The following PPM1E variants were observed in gnomAD, a reference collection of about 807,000 sequenced individuals.
PPM1E encodes protein phosphatase 1E.
Under a neutral mutation model 65.9 loss-of-function variants are expected in PPM1E, and 20 were observed. The observed-to-expected ratio is 0.30, with a 90% confidence interval of 0.21 to 0.44. The LOEUF (loss-of-function observed/expected upper bound fraction) is 0.44. Ranked by LOEUF, PPM1E falls within the 20% of genes least tolerant of loss-of-function variation. The pLI is 1.00. For missense variants in PPM1E, 713 were observed against 953.1 expected, an observed-to-expected ratio of 0.75 and a Z score of 3.32; for synonymous variants, 352 against 374.9, an observed-to-expected ratio of 0.94 and a Z score of 0.70.
intron 1 of PPM1E, among the ~76,000 whole-genome samples, chr17:58,892,759 C>A (rs1284750802): frequency 6.6e-6 from 1 of 152,076 alleles, no homozygotes; most frequent in African/African-American, 2.4e-5. Context: ...AAATGGACAA[C>A]CCAATTTAAA....
Position 58,982,750 on chromosome 17 carries a change from C to T in PPM1E, c.*1719C>T, listed in dbSNP as rs778545325. On this transcript the variant is annotated 3_prime_UTR_variant, in exon 7 of 7. Transcript: ENST00000308249. ...ATTTTGAAGTCATTTCTTCTTCTCA[C>T]GTCTGTGACAAATGGTTGAAAAGGA... 2.8e-5 allele frequency: 16 copies of T among 561,654 alleles called. No individual in the cohort carries two copies. Among genetic ancestry groups the T allele is most frequent in the South Asian group, 2.1e-4 (7 of 33,690 alleles). 34.8% of individuals were successfully genotyped at this position (561,654 alleles called of 1,614,324 possible).
chr17:58,833,356 C>G (rs1371368225), intron 1 of PPM1E, among the ~76,000 whole-genome samples: 1 of 148,084 alleles, frequency 6.8e-6, no homozygotes, highest in Non-Finnish European at 1.5e-5. Flanking sequence ...CTTTTGAAAC[C>G]CAGTAGTTTT....
chr17:58,778,524 C>T (rs1329051610), intron 1 of PPM1E, among the ~76,000 whole-genome samples: 1 of 150,780 alleles, frequency 6.6e-6, no homozygotes, highest in Non-Finnish European at 1.5e-5. Flanking sequence ...GTTCTCGTGC[C>T]TCAGCCTCCC....
Position 58,982,804 on chromosome 17 carries a change from A to G in PPM1E, c.*1773A>G. On this transcript the variant is annotated 3_prime_UTR_variant, in exon 7 of 7. Coordinates refer to ENST00000308249, the MANE Select transcript of PPM1E (RefSeq NM_014906.5). ...AACATGGCCCCAACTATAGTGCCGG[A>G]ACCTTTTCATCATTCTGAGGCTTTG... 2 of 1,057,798 alleles carry G rather than the reference A, an allele frequency of 1.9e-6. No individual in the cohort carries two copies. The highest frequency in any genetic ancestry group is 2.8e-6 in the Non-Finnish European group (2 of 716,772). The allele number at this position is 1,057,798 out of a possible 1,614,324, so 65.5% of individuals were successfully genotyped here. A position where few individuals can be genotyped will look rare whatever the true frequency, so the allele number is the denominator to read the frequency against.
At chr17:58,867,433 A>G (rs1030353913) in intron 1 of PPM1E, among the ~76,000 whole-genome samples, 7 of 152,230 alleles carry the variant, frequency 4.6e-5, no homozygotes, top group Admixed American at 1.3e-4. Flanking sequence ...AGAGTGTTAC[A>G]GGGGCTTGTA....
chr17:58,776,472 G>A (rs35539277), intron 1 of PPM1E, among the ~76,000 whole-genome samples: 24,546 of 152,092 alleles, frequency 0.16, 2,404 homozygotes, highest in Non-Finnish European at 0.21. Context: ...TATAAAATAT[G>A]TTTAGTAATG....
chr17:58,837,019 CAA>C (rs761954197), intron 1 of PPM1E, among the ~76,000 whole-genome samples: 2 of 39,070 alleles, frequency 5.1e-5, no homozygotes, highest in Non-Finnish European at 5.1e-5. Context: ...AACTCCGTCT[CAA>C]AAAAAAAAAA....
chr17:58,895,776 C>G (rs2051405213), intron 1 of PPM1E, among the ~76,000 whole-genome samples: 1 of 152,032 alleles, frequency 6.6e-6, no homozygotes, highest in African/African-American at 2.4e-5. Context: ...CACGACTGCA[C>G]TTCAGCCTGG....
At chr17:58,922,070 G>T (rs2143537234) in intron 1 of PPM1E, among the ~76,000 whole-genome samples, 1 of 151,402 alleles carries the variant, frequency 6.6e-6, no homozygotes, top group African/African-American at 2.4e-5. Context: ...AAAAAAAAGT[G>T]TATGGGTACA....
At chr17:58,776,957 G>T (rs993705943) in intron 1 of PPM1E, among the ~76,000 whole-genome samples, 3 of 152,126 alleles carry the variant, frequency 2.0e-5, no homozygotes, top group African/African-American at 7.2e-5. Flanking sequence ...ATAGGGCTGG[G>T]TGCAGTGGCT....
At chr17:58,837,569 C>T (rs1479324917) in intron 1 of PPM1E, among the ~76,000 whole-genome samples, 1 of 150,374 alleles carries the variant, frequency 6.7e-6, no homozygotes, top group Non-Finnish European at 1.5e-5. Context: ...GCAATCTCTG[C>T]TCACTGCAAC....
chr17:58,864,487 A>G (rs2050977136), intron 1 of PPM1E, among the ~76,000 whole-genome samples: 1 of 152,088 alleles, frequency 6.6e-6, no homozygotes, highest in Non-Finnish European at 1.5e-5. Flanking sequence ...TAAAAATACA[A>G]AAATTAGCCA....
intron 1 of PPM1E, among the ~76,000 whole-genome samples, chr17:58,790,563 C>CT (rs2050147475): frequency 6.6e-6 from 1 of 152,150 alleles, no homozygotes; most frequent in South Asian, 2.1e-4. Flanking sequence ...CATTTTGGAA[C>CT]TTTGAGGCTA....
intron 1 of PPM1E, among the ~76,000 whole-genome samples, chr17:58,835,091 A>G (rs986348403): frequency 6.6e-6 from 1 of 152,190 alleles, no homozygotes; most frequent in African/African-American, 2.4e-5. Flanking sequence ...CTATAATCCC[A>G]GCACTTTGAG....
chr17:58,930,248 TATACAC>T (rs1384456379), intron 1 of PPM1E, among the ~76,000 whole-genome samples: 8 of 142,190 alleles, frequency 5.6e-5, no homozygotes, highest in East Asian at 4.7e-4. Context: ...ATTAAATGTA[TATACAC>T]ACACACACAC....
At chr17:58,945,363 G>A (rs1297731451) in intron 1 of PPM1E, among the ~76,000 whole-genome samples, 8 of 152,262 alleles carry the variant, frequency 5.3e-5, no homozygotes, top group Non-Finnish European at 1.0e-4. Context: ...GGCTGGTCTC[G>A]AACTCCTGAC....
intron 1 of PPM1E, among the ~76,000 whole-genome samples, chr17:58,806,463 G>A (rs182488414): frequency 4.0e-4 from 61 of 152,082 alleles, no homozygotes; most frequent in Non-Finnish European, 8.4e-4. Flanking sequence ...AACTTAATGT[G>A]TGAGAGTTTC....
intron 1 of PPM1E, among the ~76,000 whole-genome samples, chr17:58,809,800 T>A (rs1025921674): frequency 6.6e-6 from 1 of 152,226 alleles, no homozygotes; most frequent in Non-Finnish European, 1.5e-5. Context: ...AATATGCTTT[T>A]ATATCATATC....
chr17:58,930,298 CAT>C (rs2051878280), intron 1 of PPM1E, among the ~76,000 whole-genome samples: 2 of 151,112 alleles, frequency 1.3e-5, no homozygotes, highest in Non-Finnish European at 2.9e-5. Flanking sequence ...CACACACACA[CAT>C]ATACATACAA....
Sources: gnomAD v4.1 joint callset for allele counts (sites outside exome capture counted in the v4.1 genomes callset) on GRCh38, gnomAD v4.1.1 for gene constraint, MANE v1.5 for transcripts, NCBI Gene and HGNC (gene_info 2026-07-23, HGNC 2026-07-21) for gene names.